Variants in ZEB1 observed in about 807,000 individuals in gnomAD.
The protein encoded by ZEB1 is zinc finger E-box binding homeobox 1.
A neutral mutation model predicts 84.9 loss-of-function variants in ZEB1; 21 were observed. The ratio of observed to expected loss-of-function variants is 0.25; its 90% CI spans 0.18 to 0.36. The LOEUF (loss-of-function observed/expected upper bound fraction) is 0.36, where lower values mean the gene tolerates loss of function less well. Ranked by LOEUF, ZEB1 falls within the 10% of genes least tolerant of loss-of-function variation. ZEB1 has a pLI of 1.00. For missense variants in ZEB1, 1,104 were observed against 1,330.2 expected (o/e 0.83, Z 2.65); for synonymous variants, 420 against 471.1 (o/e 0.89, Z 1.41).
Position 31,510,800 on chromosome 10 carries a change from C to T in ZEB1, c.612C>T (p.Ser204=). 1 of 1,613,876 alleles carries T rather than the reference C, an allele frequency of 6.2e-7. No homozygotes were observed. Among genetic ancestry groups the T allele is most frequent in the South Asian group, 1.1e-5 (1 of 91,066 alleles). ...HEKNEDNFSC[S]LCSYTFAYRT... The stretch of plus-strand genomic sequence containing the variant: ...AGAATGAAGATAACTTTAGTTGCTC[C>T]CTGTGCAGTTACACCTTTGCATACA... The change falls in exon 5 of 9, where the codon TCC becomes TCT. Residue 204 remains serine (S), a synonymous_variant. Coordinates refer to ENST00000424869, the MANE Select transcript of ZEB1 (RefSeq NM_001174096.2).
At chr10:31,333,241 C>G (rs2037190187) in intron 1 of ZEB1, among the ~76,000 whole-genome samples, 1 of 152,084 alleles carries the variant, frequency 6.6e-6, no homozygotes, top group African/African-American at 2.4e-5. Flanking sequence ...TCATTTTCAC[C>G]TGAGTTGTAT....
rs914827545 is a variant in ZEB1 at position 31,527,139 on chromosome 10, G to A, written c.3253G>A (p.Gly1085Arg). The A allele has an allele frequency of 6.2e-7, 1 of 1,608,830 alleles. No individual in the cohort carries two copies. Among genetic ancestry groups the A allele is most frequent in the Non-Finnish European group, 8.5e-7 (1 of 1,177,372 alleles). ...EEEVEEAENE[G>R]EEAKTEGLMK... is the part of the protein sequence containing the mutation. ...AGAGGTAGAAGAGGCAGAGAATGAG[G>A]GAGAAGAAGCAAAAACTGAAGGTCT... is the stretch of plus-strand genomic sequence containing the variant. Residue 1085 changes from glycine to arginine, a missense_variant, in exon 9 of 9, where the codon GGA becomes AGA. Gly to Arg is a moderately radical substitution (Grantham distance 125, BLOSUM62 -2). Transcript: ENST00000424869.
intron 1 of ZEB1, among the ~76,000 whole-genome samples, chr10:31,429,443 C>CA (rs1278329421): frequency 6.6e-6 from 1 of 152,052 alleles, no homozygotes; most frequent in African/African-American, 2.4e-5. Context: ...CTAACACAGG[C>CA]ATACTGCATG....
At position 31,524,129 on chromosome 10, in the gene ZEB1, CA is replaced by C; in HGVS notation, c.2785+19del. ...GAACACACAGGTATGTCAGTGAACACAAACATAAAGTGTCCATGATATGATA... is the reference window on the plus strand; with the variant it reads ...GAACACACAGGTATGTCAGTGAACACAACATAAAGTGTCCATGATATGATA... On this transcript the variant is annotated intron_variant, in intron 8 of 8. Coordinates refer to ENST00000424869, the MANE Select transcript of ZEB1 (RefSeq NM_001174096.2). 1 of 1,609,516 alleles carries C rather than the reference CA, an allele frequency of 6.2e-7. No individual in the cohort carries two copies. The highest frequency in any genetic ancestry group is 2.2e-5 in the East Asian group (1 of 44,654).
intron 6 of ZEB1, among the ~76,000 whole-genome samples, chr10:31,515,468 T>C (rs1454902400): frequency 6.6e-6 from 1 of 152,120 alleles, no homozygotes; most frequent in Admixed American, 6.6e-5. Context: ...ATCATTTTAA[T>C]GAAAAAATTA....
intron 1 of ZEB1, chr10:31,363,428 C>T: frequency 6.5e-7 from 1 of 1,534,364 alleles, no homozygotes; most frequent in Non-Finnish European, 8.7e-7. Context: ...ACATTTCCCT[C>T]CAAGGGCCTG....
In ZEB1 at chr10:31,461,065, A is replaced by C; in HGVS notation, c.87A>C (p.Thr29=). 6.2e-7 allele frequency: 1 copy of C among 1,613,258 alleles called. No homozygotes were observed. The highest frequency in any genetic ancestry group is 8.5e-7 in the Non-Finnish European group (1 of 1,179,504). The change falls in exon 2 of 9, where the codon ACA becomes ACC. Residue 29 remains threonine (T), a synonymous_variant. Transcript: ENST00000424869. ...CAAATTATAATACTGTGGTAGAAAC[A>C]AATTCAGATTCAGATGATGAAGACA... The part of the protein sequence containing the change: ...NVTNYNTVVE[T]NSDSDDEDKL...
intron 1 of ZEB1, chr10:31,387,044 T>G: frequency 1.0e-6 from 1 of 970,228 alleles, no homozygotes; most frequent in Non-Finnish European, 1.2e-6. Context: ...TCTCAAAACT[T>G]CATTTTGTAA....
intron 4 of ZEB1, among the ~76,000 whole-genome samples, chr10:31,503,388 A>G (rs1293281271): frequency 6.6e-6 from 1 of 152,138 alleles, no homozygotes; most frequent in Admixed American, 6.6e-5. Flanking sequence ...ATTCTGTCAT[A>G]TCAGCGACAT....
chr10:31,442,671 GC>G (rs931745385), intron 1 of ZEB1, among the ~76,000 whole-genome samples: 2 of 152,086 alleles, frequency 1.3e-5, no homozygotes, highest in African/African-American at 4.8e-5. Context: ...GGCATTTAGA[GC>G]CATGAAACAG....
Position 31,510,778 on chromosome 10 carries a change from A to G in ZEB1, c.590A>G (p.Asn197Ser), listed in dbSNP as rs1462914486. The G allele has an allele frequency of 3.1e-6, 5 of 1,613,998 alleles. No individual in the cohort carries two copies. Among genetic ancestry groups the G allele is most frequent in the Non-Finnish European group, 4.2e-6 (5 of 1,179,918 alleles). Residue 197 changes from asparagine (N) to serine (S), a missense_variant, in exon 5 of 9, where the codon AAT (asparagine) becomes AGT (serine). Physicochemically the swap from Asn to Ser is conservative, Grantham distance 46. Around this residue, in one of 7 missense-constraint regions of ZEB1, gnomAD observed 71 missense variants for 119.1 expected, o/e 0.60. Transcript: ENST00000424869. ...KEHIKYRHEK[N>S]EDNFSCSLCS... ...CACATTAAATATCGTCATGAAAAGAATGAAGATAACTTTAGTTGCTCCCTG... is the reference window on the plus strand; with the variant it reads ...CACATTAAATATCGTCATGAAAAGAGTGAAGATAACTTTAGTTGCTCCCTG...
intron 2 of ZEB1, among the ~76,000 whole-genome samples, chr10:31,485,867 CG>C (rs2065683930): frequency 6.6e-6 from 1 of 151,828 alleles, no homozygotes; most frequent in Non-Finnish European, 1.5e-5. Flanking sequence ...AGAGCACTAT[CG>C]TGCTACCCGT....
chr10:31,442,980 G>C (rs1231480673), intron 1 of ZEB1, among the ~76,000 whole-genome samples: 1 of 151,834 alleles, frequency 6.6e-6, no homozygotes, highest in Non-Finnish European at 1.5e-5. Flanking sequence ...AGTATAGAGG[G>C]ACTGAGATAT....
rs2073688017 is a variant in ZEB1 at position 31,527,343 on chromosome 10, A to G, written c.*79A>G. 1.3e-6 allele frequency: 2 copies of G among 1,533,348 alleles called. No individual in the cohort carries two copies. Among genetic ancestry groups the G allele is most frequent in the Non-Finnish European group, 1.7e-6 (2 of 1,143,218 alleles). 95.0% of individuals were successfully genotyped at this position (1,533,348 alleles called of 1,614,324 possible). A position where few individuals can be genotyped will look rare whatever the true frequency, so the allele number is the denominator to read the frequency against. Reference sequence around the variant, plus strand: ...TTATCCTTGCTTTTCATGGAAACACAGTAACCTGTATGCTGTGATTCCTGT... The same window carrying G: ...TTATCCTTGCTTTTCATGGAAACACGGTAACCTGTATGCTGTGATTCCTGT... On this transcript the variant is annotated 3_prime_UTR_variant, in exon 9 of 9. Coordinates refer to ENST00000424869, the MANE Select transcript of ZEB1 (RefSeq NM_001174096.2).
At chr10:31,360,253 T>G (rs12570847) in intron 1 of ZEB1, among the ~76,000 whole-genome samples, 7,871 of 152,238 alleles carry the variant, frequency 0.052, 590 homozygotes, top group East Asian at 0.18. Flanking sequence ...AAGGATGAGC[T>G]TAGACTTGGA....
rs1565216087 is a variant in ZEB1, at chr10:31,521,871, T to G, written c.2539T>G (p.Ser847Ala). 6.2e-7 allele frequency: 1 copy of G among 1,613,976 alleles called. No individual in the cohort carries two copies. The highest frequency in any genetic ancestry group is 2.2e-5 in the East Asian group (1 of 44,846). Reference protein sequence around the residue: ...ILIPQVAYTYSTTVSPAVQEP... With the variant: ...ILIPQVAYTYATTVSPAVQEP... ...GATTCCCCAGGTGGCATACACCTAC[T>G]CAACTACGGTCAGCCCTGCAGTCCA... Residue 847 changes from serine to alanine, a missense_variant, in exon 7 of 9, where the codon TCA becomes GCA. Ser to Ala is a moderately conservative substitution (Grantham distance 99). Around this residue, in one of 7 missense-constraint regions of ZEB1, gnomAD observed 531 missense variants for 575.2 expected, o/e 0.92. Transcript: ENST00000424869.
At chr10:31,475,589 T>C (rs1356874279) in intron 2 of ZEB1, among the ~76,000 whole-genome samples, 1 of 152,100 alleles carries the variant, frequency 6.6e-6, no homozygotes, top group Non-Finnish European at 1.5e-5. Context: ...AACCTAATGG[T>C]AGACATCTCA....
In ZEB1 at chr10:31,364,512, G is replaced by A. The variant is rs191979808; in HGVS notation, c.58+45220G>A. The stretch of plus-strand genomic sequence containing the variant: ...CAGCCAGATCGCGCCAGGCTTCCCC[G>A]GGGCCTCTCCAGTGCCTCTGTGCCA... On this transcript the variant is annotated intron_variant, in intron 1 of 8. Coordinates refer to ENST00000424869, the MANE Select transcript of ZEB1 (RefSeq NM_001174096.2). 8.9e-4 allele frequency among the ~76,000 whole-genome samples: 135 copies of A among 152,270 alleles called. 2 individuals are homozygous for A. The highest frequency in any genetic ancestry group is 3.1e-3 in the African/African-American group (128 of 41,560).
At chr10:31,443,275 T>C (rs1004576669) in intron 1 of ZEB1, among the ~76,000 whole-genome samples, 26 of 152,206 alleles carry the variant, frequency 1.7e-4, no homozygotes, top group Non-Finnish European at 3.4e-4. Context: ...TTTAGTCATA[T>C]GTGTTGCACA....
Sources: allele counts gnomAD v4.1 joint callset (sites outside exome capture counted in the v4.1 genomes callset), GRCh38; gene constraint gnomAD v4.1.1; regional missense constraint gnomAD v4.1.1; transcripts MANE v1.5; gene names NCBI Gene and HGNC (gene_info 2026-07-23, HGNC 2026-07-21).